Variants in ARHGAP10 observed in about 807,000 individuals in gnomAD.
ARHGAP10 encodes Rho GTPase activating protein 10, also known as rho GTPase-activating protein 10.
In ARHGAP10, 87 loss-of-function variants were observed where a neutral mutation model predicts 108.6. That is an observed-to-expected ratio of 0.80 (90% CI 0.67 to 0.96). The LOEUF is 0.96. ARHGAP10 is among the 40% of genes least tolerant of loss of function. ARHGAP10 has a pLI of 0.00. For synonymous variants in ARHGAP10, 347 were observed against 341.1 expected (o/e 1.02, Z -0.19); for missense variants, 939 against 954.5 (o/e 0.98, Z 0.21).
intron 7 of ARHGAP10, among the ~76,000 whole-genome samples, chr4:147,869,555 AGAGAAATGGGGAAAT>A (rs1734712755): frequency 6.6e-6 from 1 of 151,950 alleles, no homozygotes; most frequent in African/African-American, 2.4e-5. Context: ...CATTTTCTGT[AGAGAAATGGGGAAAT>A]GACAGTTTAT....
intron 22 of ARHGAP10, among the ~76,000 whole-genome samples, chr4:148,069,449 T>C (rs773715848): frequency 5.5e-4 from 83 of 152,130 alleles, no homozygotes; most frequent in African/African-American, 9.4e-4. Flanking sequence ...GGTTTGTTGG[T>C]TGGGGAGATG....
chr4:147,911,064 CCTT>C (rs1208802550), intron 12 of ARHGAP10, among the ~76,000 whole-genome samples: 6 of 152,084 alleles, frequency 3.9e-5, no homozygotes, highest in Admixed American at 3.3e-4. Flanking sequence ...CTTTCTCTTT[CCTT>C]CTTTTCTCTT....
intron 6 of ARHGAP10, 145 bp downstream of exon 6, chr4:147,865,101 T>G (rs952981085): frequency 1.0e-5 from 7 of 686,886 alleles, no homozygotes; most frequent in Non-Finnish European, 1.7e-5. Flanking sequence ...CAGACACAGA[T>G]AGCCATGAAG....
intron 18 of ARHGAP10, among the ~76,000 whole-genome samples, chr4:148,006,322 C>T (rs932966521): frequency 3.8e-4 from 58 of 152,208 alleles, no homozygotes; most frequent in African/African-American, 1.1e-3. Context: ...TCATCCCAGA[C>T]GTTAGCAGAC....
chr4:147,910,917 G>A (rs1736703053), intron 12 of ARHGAP10, among the ~76,000 whole-genome samples: 1 of 151,920 alleles, frequency 6.6e-6, no homozygotes, highest in African/African-American at 2.4e-5. Flanking sequence ...CACATCCCCT[G>A]AGGCACCTTC....
At chr4:147,827,993 A>G (rs1732790120) in intron 3 of ARHGAP10, among the ~76,000 whole-genome samples, 1 of 152,036 alleles carries the variant, frequency 6.6e-6, no homozygotes. Context: ...TTTAGTAGAG[A>G]TGGGGTTTCA....
intron 1 of ARHGAP10, among the ~76,000 whole-genome samples, chr4:147,796,785 A>G (rs1731335304): frequency 1.3e-5 from 2 of 152,142 alleles, no homozygotes; most frequent in Admixed American, 1.3e-4. Flanking sequence ...TTGGCCTCTT[A>G]AAGTGCTGGG....
intron 8 of ARHGAP10, among the ~76,000 whole-genome samples, chr4:147,876,405 A>G (rs1401630258): frequency 6.6e-6 from 1 of 152,168 alleles, no homozygotes; most frequent in East Asian, 1.9e-4. Context: ...ATCCTGGCTA[A>G]TACAGTGAAA....
intron 1 of ARHGAP10, among the ~76,000 whole-genome samples, chr4:147,754,165 C>T (rs1579002893): frequency 6.6e-6 from 1 of 152,088 alleles, no homozygotes; most frequent in East Asian, 1.9e-4. Flanking sequence ...AGTTGGAAGT[C>T]CCAGAAGTCT....
chr4:147,854,984 A>G, intron 4 of ARHGAP10: 3 of 560,386 alleles, frequency 5.4e-6, no homozygotes, highest in Non-Finnish European at 6.8e-6. Flanking sequence ...GGGTGTTTTG[A>G]CCGCTGATTA....
At chr4:148,030,795 A>G (rs898318037) in intron 19 of ARHGAP10, among the ~76,000 whole-genome samples, 8 of 152,026 alleles carry the variant, frequency 5.3e-5, no homozygotes, top group Non-Finnish European at 1.2e-4. Context: ...CTGCATGCTC[A>G]TTCTACCTTC....
intron 15 of ARHGAP10, among the ~76,000 whole-genome samples, chr4:147,948,359 A>G (rs562535225): frequency 6.6e-6 from 1 of 152,370 alleles, no homozygotes; most frequent in Admixed American, 6.5e-5. Flanking sequence ...ATTAATATCC[A>G]GCATTCAGTC....
chr4:147,955,491 C>A, intron 16 of ARHGAP10, 117 bp downstream of exon 16: 1 of 872,026 alleles, frequency 1.1e-6, no homozygotes, highest in Non-Finnish European at 1.8e-6. Context: ...AAATAGAAAT[C>A]GCTTTAAATG....
chr4:147,975,170 C>T (rs1739545010), intron 18 of ARHGAP10, among the ~76,000 whole-genome samples: 1 of 152,140 alleles, frequency 6.6e-6, no homozygotes, highest in Admixed American at 6.5e-5. Context: ...AGCATTTTAG[C>T]CTTTGTAATA....
intron 13 of ARHGAP10, among the ~76,000 whole-genome samples, chr4:147,919,837 C>T (rs1251638036): frequency 5.9e-5 from 9 of 152,150 alleles, no homozygotes; most frequent in Non-Finnish European, 1.3e-4. Context: ...TCCTCTGCCT[C>T]TCAAAGTGCT....
At chr4:147,747,194 C>A (rs1223418457) in intron 1 of ARHGAP10, among the ~76,000 whole-genome samples, 4 of 150,902 alleles carry the variant, frequency 2.7e-5, no homozygotes, top group African/African-American at 9.8e-5. Context: ...CCGATTTTCT[C>A]TTTTATCTCA....
intron 1 of ARHGAP10, among the ~76,000 whole-genome samples, chr4:147,774,850 C>G (rs1175606357): frequency 1.3e-5 from 2 of 151,750 alleles, no homozygotes; most frequent in Non-Finnish European, 2.9e-5. Flanking sequence ...CATAGAAACA[C>G]TTGTTTTGCT....
chr4:147,938,516 C>T (rs1431485167), intron 13 of ARHGAP10, among the ~76,000 whole-genome samples: 1 of 152,178 alleles, frequency 6.6e-6, no homozygotes, highest in Non-Finnish European at 1.5e-5. Flanking sequence ...TCATTTCCCT[C>T]CCAGCATAAC....
At chr4:147,761,778 G>C (rs1729601781) in intron 1 of ARHGAP10, among the ~76,000 whole-genome samples, 1 of 152,126 alleles carries the variant, frequency 6.6e-6, no homozygotes, top group South Asian at 2.1e-4. Context: ...TTAAGATTTT[G>C]TGCTGATTGG....
Sources: allele counts gnomAD v4.1 joint callset (sites outside exome capture counted in the v4.1 genomes callset), GRCh38; gene constraint gnomAD v4.1.1; transcripts MANE v1.5; gene names NCBI Gene and HGNC (gene_info 2026-07-23, HGNC 2026-07-21).